Variants in PSD3 observed in about 807,000 individuals in gnomAD.
The protein encoded by PSD3 is pleckstrin and Sec7 domain containing 3, also known as PH and SEC7 domain-containing protein 3.
PSD3 carries 49 observed loss-of-function variants against 105.5 expected under a neutral mutation model. The observed-to-expected ratio is 0.46, with a 90% CI of 0.37 to 0.59. The LOEUF is 0.59. Among genes scored for constraint, PSD3 ranks in the 20% least tolerant of loss-of-function variants. The pLI, the probability that PSD3 is intolerant of heterozygous loss-of-function variation, is 0.00. For missense variants in PSD3, 1,561 were observed against 1,263.8 expected, an observed-to-expected ratio of 1.24 and a Z score of -3.57; for synonymous variants, 557 against 457.8, an observed-to-expected ratio of 1.22 and a Z score of -2.77.
In PSD3 at chr8:18,714,377, G is replaced by A. The variant is rs933665683; in HGVS notation, c.2172+51072C>T. Among the ~76,000 whole-genome samples, 8 of 148,964 alleles carry A rather than the reference G, an allele frequency of 5.4e-5. No homozygotes were observed. In the East Asian group the frequency reaches 1.2e-3, roughly 23 times the overall value. On this transcript the variant is annotated intron_variant, in intron 9 of 15. Coordinates refer to ENST00000327040, the MANE Select transcript of PSD3 (RefSeq NM_015310.4). ...ATGGGAAAAAATGTTTGAAACATCC[G>A]TTTGACAAAGGTCTGATATCCAGAG...
At chr8:18,757,190 C>A (rs1200092899) in intron 9 of PSD3, among the ~76,000 whole-genome samples, 1 of 150,330 alleles carries the variant, frequency 6.7e-6, no homozygotes, top group African/African-American at 2.4e-5. Flanking sequence ...CGGTGGCTCA[C>A]GCCTGGAATC....
At chr8:18,590,987 G>T (rs965963012) in intron 12 of PSD3, among the ~76,000 whole-genome samples, 2 of 152,106 alleles carry the variant, frequency 1.3e-5, no homozygotes, top group East Asian at 3.8e-4. Context: ...TCTCTTCCTG[G>T]GAGTGCTGTT....
chr8:18,550,712 C>T (rs1800712424), intron 15 of PSD3, among the ~76,000 whole-genome samples: 1 of 151,988 alleles, frequency 6.6e-6, no homozygotes, highest in African/African-American at 2.4e-5. Flanking sequence ...GAAAGCATAC[C>T]ACTTTTGCAC....
chr8:18,711,887 A>G (rs561342218), intron 9 of PSD3, among the ~76,000 whole-genome samples: 3 of 152,260 alleles, frequency 2.0e-5, no homozygotes, highest in Admixed American at 1.3e-4. Flanking sequence ...GAAGTAAAAC[A>G]CTCCTCAGCA....
intron 1 of PSD3, among the ~76,000 whole-genome samples, chr8:19,076,147 A>C (rs1390991641): frequency 1.3e-5 from 2 of 152,254 alleles, no homozygotes; most frequent in African/African-American, 2.4e-5. Flanking sequence ...ATGCTAAGAA[A>C]AATTTCACTT....
chr8:19,044,862 A>G (rs992936587), intron 1 of PSD3, among the ~76,000 whole-genome samples: 4 of 152,182 alleles, frequency 2.6e-5, no homozygotes, highest in African/African-American at 7.2e-5. Context: ...GCATGTTCCA[A>G]GGTGGGATGG....
At chr8:18,928,394 T>C (rs2129468218) in intron 2 of PSD3, among the ~76,000 whole-genome samples, 1 of 152,308 alleles carries the variant, frequency 6.6e-6, no homozygotes, top group South Asian at 2.1e-4. Context: ...TAAACCTCTT[T>C]CCTTTATAAA....
At chr8:18,751,900 C>G (rs1047368766) in intron 9 of PSD3, among the ~76,000 whole-genome samples, 8 of 148,344 alleles carry the variant, frequency 5.4e-5, no homozygotes, top group Admixed American at 3.4e-4. Context: ...GGGATCTGGA[C>G]GCGGTGGCTC....
intron 10 of PSD3, among the ~76,000 whole-genome samples, chr8:18,634,562 T>G (rs1291439569): frequency 6.6e-6 from 1 of 152,158 alleles, no homozygotes; most frequent in East Asian, 1.9e-4. Context: ...GATCCCACAG[T>G]GCATTCTGTT....
At chr8:18,918,968 C>T (rs1820809831) in intron 2 of PSD3, among the ~76,000 whole-genome samples, 1 of 151,704 alleles carries the variant, frequency 6.6e-6, no homozygotes, top group South Asian at 2.1e-4. Context: ...CGCCCTGAAA[C>T]TCACCAGGCT....
intron 1 of PSD3, among the ~76,000 whole-genome samples, chr8:19,076,861 A>T (rs1481923045): frequency 6.6e-6 from 1 of 152,112 alleles, no homozygotes; most frequent in African/African-American, 2.4e-5. Context: ...TTGGGCAGGT[A>T]GGAAGCACGG....
intron 1 of PSD3, among the ~76,000 whole-genome samples, chr8:18,953,071 AT>A (rs1009251959): frequency 6.6e-6 from 1 of 152,246 alleles, no homozygotes; most frequent in Non-Finnish European, 1.5e-5. Flanking sequence ...AAAACAGACC[AT>A]TTAAGAAACA....
At chr8:18,787,765 C>A (rs1809317545) in intron 8 of PSD3, among the ~76,000 whole-genome samples, 1 of 152,168 alleles carries the variant, frequency 6.6e-6, no homozygotes, top group African/African-American at 2.4e-5. Flanking sequence ...CCCTTTAGAG[C>A]AAAGTTCCTT....
chr8:18,713,664 A>C (rs1399456485), intron 9 of PSD3, among the ~76,000 whole-genome samples: 1 of 152,170 alleles, frequency 6.6e-6, no homozygotes, highest in Non-Finnish European at 1.5e-5. Context: ...TTCTATGCTC[A>C]TGGATAGTAA....
At chr8:19,053,508 G>T (rs879472560) in intron 1 of PSD3, among the ~76,000 whole-genome samples, 13 of 152,090 alleles carry the variant, frequency 8.5e-5, no homozygotes, top group Non-Finnish European at 1.6e-4. Context: ...CTAATCAAGA[G>T]GGAACACAGG....
At chr8:19,077,187 A>C (rs7846670) in intron 1 of PSD3, among the ~76,000 whole-genome samples, 7,168 of 152,232 alleles carry the variant, frequency 0.047, 230 homozygotes, top group Non-Finnish European at 0.065. Context: ...GCATCATACA[A>C]TCAGTGAGAA....
chr8:18,565,032 G>GA (rs1455718777), intron 14 of PSD3, among the ~76,000 whole-genome samples: 1 of 152,186 alleles, frequency 6.6e-6, no homozygotes, highest in Non-Finnish European at 1.5e-5. Flanking sequence ...AAGAAGCAAG[G>GA]AAAGACCTAG....
intron 9 of PSD3, among the ~76,000 whole-genome samples, chr8:18,717,467 C>T (rs939761890): frequency 1.3e-5 from 2 of 151,896 alleles, no homozygotes; most frequent in Non-Finnish European, 2.9e-5. Flanking sequence ...TTCTAATTTG[C>T]TTTTCTTTAT....
chr8:18,683,296 T>A (rs757317680), intron 9 of PSD3, among the ~76,000 whole-genome samples: 2 of 152,094 alleles, frequency 1.3e-5, no homozygotes, highest in Non-Finnish European at 2.9e-5. Context: ...TGTAGTATAA[T>A]AGGACCAGGT....
Sources: gnomAD v4.1 joint callset for allele counts (sites outside exome capture counted in the v4.1 genomes callset) on GRCh38, gnomAD v4.1.1 for gene constraint, MANE v1.5 for transcripts, NCBI Gene and HGNC (gene_info 2026-07-23, HGNC 2026-07-21) for gene names.